SIPA1L1: variants seen among roughly 807,000 people sequenced by gnomAD.
SIPA1L1 encodes the protein signal induced proliferation associated 1 like 1.
SIPA1L1 carries 26 observed loss-of-function variants against 162.7 expected under a neutral mutation model. The ratio of observed to expected loss-of-function variants is 0.16; its 90% CI spans 0.12 to 0.22. The LOEUF is 0.22. Ranked by LOEUF, SIPA1L1 falls within the 10% of genes least tolerant of loss-of-function variation. The probability of loss-of-function intolerance (pLI) is 1.00; values close to 1 mark genes in which losing one functional copy is unlikely to be tolerated. For synonymous variants in SIPA1L1, 829 were observed against 837.4 expected (o/e 0.99, Z 0.17); for missense variants, 1,874 against 2,241.0 (o/e 0.84, Z 3.31).
chr14:71,714,643 G>A (rs2083130275), intron 17 of SIPA1L1, among the ~76,000 whole-genome samples: 1 of 152,008 alleles, frequency 6.6e-6, no homozygotes, highest in African/African-American at 2.4e-5. Flanking sequence ...GTTCAGTGGT[G>A]GCCCTGCAGC....
chr14:71,365,369 G>A (rs769917650), intron 2 of SIPA1L1, among the ~76,000 whole-genome samples: 5 of 151,996 alleles, frequency 3.3e-5, no homozygotes, highest in Non-Finnish European at 5.9e-5. Flanking sequence ...CCCCACTGTC[G>A]ATAATGCCAA....
At chr14:71,430,886 G>A (rs2043936514) in intron 2 of SIPA1L1, among the ~76,000 whole-genome samples, 1 of 151,906 alleles carries the variant, frequency 6.6e-6, no homozygotes, top group African/African-American at 2.4e-5. Flanking sequence ...CTTAAAGATG[G>A]GTATTTCAAA....
At chr14:71,525,460 G>C (rs1010543128) in intron 3 of SIPA1L1, among the ~76,000 whole-genome samples, 1 of 152,200 alleles carries the variant, frequency 6.6e-6, no homozygotes, top group Non-Finnish European at 1.5e-5. Context: ...TGGGATTACA[G>C]GCGTGAGCCA....
At chr14:71,363,823 C>G (rs1376986272) in intron 2 of SIPA1L1, among the ~76,000 whole-genome samples, 1 of 152,198 alleles carries the variant, frequency 6.6e-6, no homozygotes, top group Non-Finnish European at 1.5e-5. Flanking sequence ...GGATTTATAA[C>G]AAGGTACAGA....
intron 4 of SIPA1L1, among the ~76,000 whole-genome samples, chr14:71,564,891 C>T (rs1231688512): frequency 2.0e-5 from 3 of 152,258 alleles, no homozygotes; most frequent in Middle Eastern, 3.4e-3. Flanking sequence ...AGGTTCTTAT[C>T]GTTACTTTTC....
chr14:71,371,473 G>A (rs938105799), intron 2 of SIPA1L1, among the ~76,000 whole-genome samples: 2 of 151,924 alleles, frequency 1.3e-5, no homozygotes, highest in African/African-American at 2.4e-5. Context: ...CTGCATCCTC[G>A]ACCTCCCTGG....
intron 2 of SIPA1L1, among the ~76,000 whole-genome samples, chr14:71,361,285 T>A (rs1211626553): frequency 6.6e-6 from 1 of 152,118 alleles, no homozygotes; most frequent in Non-Finnish European, 1.5e-5. Context: ...GTCAGGAGGT[T>A]TTGACTTAAT....
At chr14:71,535,014 G>A (rs2053769930) in intron 4 of SIPA1L1, among the ~76,000 whole-genome samples, 1 of 152,086 alleles carries the variant, frequency 6.6e-6, no homozygotes, top group Non-Finnish European at 1.5e-5. Context: ...ATACATACTG[G>A]TAAAAAAGTA....
chr14:71,614,493 T>A (rs1344867860), intron 5 of SIPA1L1, among the ~76,000 whole-genome samples: 1 of 152,178 alleles, frequency 6.6e-6, no homozygotes, highest in Non-Finnish European at 1.5e-5. Flanking sequence ...GTGGTGAATT[T>A]AGCATGGGAA....
chr14:71,716,121 A>T (rs1168990721), intron 17 of SIPA1L1, among the ~76,000 whole-genome samples: 1 of 112,466 alleles, frequency 8.9e-6, no homozygotes, highest in Non-Finnish European at 1.7e-5. Flanking sequence ...TTCTTTGTCA[A>T]CTTAATCATC....
intron 13 of SIPA1L1, among the ~76,000 whole-genome samples, chr14:71,698,023 A>C (rs150950559): frequency 1.4e-3 from 209 of 152,324 alleles, no homozygotes; most frequent in Non-Finnish European, 2.5e-3. Flanking sequence ...TAGAGACCTG[A>C]CTTGTTGTGA....
chr14:71,320,744 G>A (rs1357246845), intron 1 of SIPA1L1, among the ~76,000 whole-genome samples: 1 of 149,492 alleles, frequency 6.7e-6, no homozygotes, highest in African/African-American at 2.5e-5. Context: ...GACCTTCGGA[G>A]CCCGGACCCC....
intron 2 of SIPA1L1, among the ~76,000 whole-genome samples, chr14:71,338,202 C>T (rs913502011): frequency 1.3e-5 from 2 of 152,144 alleles, no homozygotes; most frequent in African/African-American, 2.4e-5. Flanking sequence ...GTGTTGCGCA[C>T]TTAAAGAGCC....
intron 12 of SIPA1L1, among the ~76,000 whole-genome samples, chr14:71,679,457 T>C (rs1357911832): frequency 1.3e-5 from 2 of 152,142 alleles, no homozygotes; most frequent in Non-Finnish European, 2.9e-5. Context: ...AAAGGAATAA[T>C]TGGTACCAGC....
At chr14:71,724,314 CA>C (rs2084027195) in intron 18 of SIPA1L1, among the ~76,000 whole-genome samples, 2 of 152,228 alleles carry the variant, frequency 1.3e-5, no homozygotes, top group South Asian at 4.2e-4. Flanking sequence ...GGTAGTACAT[CA>C]AAAAATTAAA....
intron 2 of SIPA1L1, among the ~76,000 whole-genome samples, chr14:71,384,454 G>A (rs1231758260): frequency 6.6e-6 from 1 of 152,194 alleles, no homozygotes; most frequent in African/African-American, 2.4e-5. Flanking sequence ...TGGTGCACGG[G>A]AATGGGTTCA....
At chr14:71,452,965 T>G (rs1408928742) in intron 2 of SIPA1L1, among the ~76,000 whole-genome samples, 1 of 152,240 alleles carries the variant, frequency 6.6e-6, no homozygotes, top group Non-Finnish European at 1.5e-5. Context: ...TAGACCCTTC[T>G]GTGTCATATT....
At chr14:71,615,374 C>T (rs1476794144) in intron 5 of SIPA1L1, among the ~76,000 whole-genome samples, 2 of 152,142 alleles carry the variant, frequency 1.3e-5, no homozygotes, top group Non-Finnish European at 1.5e-5. Flanking sequence ...TTTTAAGTTT[C>T]GTAGTAGTTG....
At chr14:71,609,495 C>G (rs2148276769) in intron 5 of SIPA1L1, among the ~76,000 whole-genome samples, 1 of 151,018 alleles carries the variant, frequency 6.6e-6, no homozygotes, top group African/African-American at 2.4e-5. Context: ...GAGATGGAGT[C>G]TTGCTCTGTT....
Sources: gnomAD v4.1 joint callset for allele counts (sites outside exome capture counted in the v4.1 genomes callset) on GRCh38, gnomAD v4.1.1 for gene constraint, MANE v1.5 for transcripts, NCBI Gene and HGNC (gene_info 2026-07-23, HGNC 2026-07-21) for gene names.